TRAK1: variants seen among roughly 807,000 people sequenced by gnomAD.
TRAK1 encodes trafficking kinesin-binding protein 1.
TRAK1 carries 33 observed loss-of-function variants against 92.1 expected under a neutral mutation model. The ratio of observed to expected loss-of-function variants is 0.36; its 90% CI spans 0.27 to 0.48. TRAK1 has a LOEUF of 0.48. Among genes scored for constraint, TRAK1 ranks in the 20% least tolerant of loss-of-function variants. The probability of loss-of-function intolerance (pLI) is 0.99; values close to 1 mark genes in which losing one functional copy is unlikely to be tolerated. For synonymous variants in TRAK1, 521 were observed against 517.3 expected (o/e 1.01, Z -0.10); for missense variants, 1,123 against 1,257.9 (o/e 0.89, Z 1.62).
rs376172950 is a variant in TRAK1 at position 42,202,763 on chromosome 3, G to T, written c.1744+11G>T. 6.4e-5 allele frequency: 104 copies of T among 1,613,066 alleles called. No homozygotes were observed. The highest frequency in any genetic ancestry group is 1.5e-4 in the Admixed American group (9 of 60,004). Reference sequence around the variant, plus strand: ...TGAAGCCGCTGGAAGGTGATCACGCGGGGCCTCGGCCCCTCTCTGTCCTCC... The same window carrying T: ...TGAAGCCGCTGGAAGGTGATCACGCTGGGCCTCGGCCCCTCTCTGTCCTCC... On this transcript the variant is annotated intron_variant, in intron 13 of 15. Transcript: ENST00000327628. The surrounding 1 kb of genome is among the most constrained non-coding windows in gnomAD (Gnocchi z 6.1).
intron 1 of TRAK1, among the ~76,000 whole-genome samples, chr3:42,105,985 C>T (rs1025186036): frequency 6.6e-6 from 1 of 152,118 alleles, no homozygotes; most frequent in African/African-American, 2.4e-5. Flanking sequence ...ATTTTGTCAC[C>T]ACCAGGCCTG....
chr3:42,019,520 G>A (rs1487722930), intron 1 of TRAK1, among the ~76,000 whole-genome samples: 2 of 152,036 alleles, frequency 1.3e-5, no homozygotes, highest in Non-Finnish European at 2.9e-5. Flanking sequence ...CTTCTGCCTT[G>A]GCCTCCCGAA....
intron 2 of TRAK1, among the ~76,000 whole-genome samples, chr3:42,154,512 C>G (rs1288752935): frequency 6.7e-6 from 1 of 148,756 alleles, no homozygotes; most frequent in African/African-American, 2.5e-5. Context: ...AGGTCTTCTT[C>G]TTGTCACCCA....
chr3:42,217,697 T>C (rs2149535883), intron 14 of TRAK1: 4 of 985,442 alleles, frequency 4.1e-6, no homozygotes, highest in African/African-American at 3.5e-5. Context: ...TGTTGTCTTA[T>C]TTCTATTTAC....
At chr3:42,191,342 T>G (rs1705701340) in intron 6 of TRAK1, among the ~76,000 whole-genome samples, 1 of 152,184 alleles carries the variant, frequency 6.6e-6, no homozygotes, top group African/African-American at 2.4e-5. Context: ...TCTAGTGGTA[T>G]GCGTTTTTCA....
chr3:42,204,045 AT>A, intron 13 of TRAK1: 1 of 984,942 alleles, frequency 1.0e-6, no homozygotes, highest in African/African-American at 1.7e-5. Flanking sequence ...TTATTTTAAA[AT>A]TGTATAATTG....
chr3:42,098,834 C>T (rs1489060591), intron 1 of TRAK1, among the ~76,000 whole-genome samples: 2 of 152,056 alleles, frequency 1.3e-5, no homozygotes, highest in Admixed American at 6.6e-5. Flanking sequence ...GTGGTTTCAT[C>T]CAGAATTGGG....
chr3:42,056,203 A>G (rs1703198033), intron 1 of TRAK1, among the ~76,000 whole-genome samples: 1 of 152,112 alleles, frequency 6.6e-6, no homozygotes, highest in African/African-American at 2.4e-5. Context: ...GATACCTATG[A>G]GAGGAATTGC....
intron 1 of TRAK1, among the ~76,000 whole-genome samples, chr3:42,043,505 C>T (rs116626028): frequency 0.024 from 3,691 of 152,148 alleles, 93 homozygotes; most frequent in Non-Finnish European, 0.031. Flanking sequence ...TCCACCCCTA[C>T]CCCCAGCCCT....
chr3:42,084,947 T>A, upstream of TRAK1, among the ~76,000 whole-genome samples: 1 of 152,192 alleles, frequency 6.6e-6, no homozygotes, highest in Non-Finnish European at 1.5e-5. Flanking sequence ...TTTTCATATT[T>A]ATTTTTTCAT....
At chr3:42,143,146 T>C (rs985512908) in intron 2 of TRAK1, among the ~76,000 whole-genome samples, 3 of 151,976 alleles carry the variant, frequency 2.0e-5, no homozygotes, top group African/African-American at 7.3e-5. Context: ...AAAGAGTTGT[T>C]TTGTTTGTTT....
chr3:42,175,491 C>T (rs963346810), intron 2 of TRAK1, among the ~76,000 whole-genome samples: 2 of 152,160 alleles, frequency 1.3e-5, no homozygotes, highest in Non-Finnish European at 1.5e-5. Flanking sequence ...TTTCCCCCCA[C>T]GCTTGGACAG....
At chr3:42,019,129 G>T (rs1312273590) in intron 1 of TRAK1, among the ~76,000 whole-genome samples, 1 of 149,526 alleles carries the variant, frequency 6.7e-6, no homozygotes, top group African/African-American at 2.5e-5. Flanking sequence ...AAAAGAAAAA[G>T]AAAAAAAAAG....
intron 2 of TRAK1, among the ~76,000 whole-genome samples, chr3:42,165,131 T>G (rs1701702205): frequency 6.6e-6 from 1 of 152,142 alleles, no homozygotes; most frequent in African/African-American, 2.4e-5. Flanking sequence ...ATGATTTGGA[T>G]AGAGATGCAC....
intron 15 of TRAK1, 133 bp from the exon 16 acceptor site, chr3:42,222,809 G>A: frequency 2.3e-6 from 2 of 866,738 alleles, no homozygotes; most frequent in Non-Finnish European, 3.6e-6. Flanking sequence ...AGAGCCTTTG[G>A]GGGCCTCAGC....
chr3:42,196,234 A>G (rs895634754), intron 10 of TRAK1, among the ~76,000 whole-genome samples: 2 of 152,216 alleles, frequency 1.3e-5, no homozygotes, highest in African/African-American at 4.8e-5. Flanking sequence ...AAGCAGTCTA[A>G]AGATTGCATC....
chr3:42,140,310 G>A (rs1698485830), intron 2 of TRAK1, among the ~76,000 whole-genome samples: 1 of 152,154 alleles, frequency 6.6e-6, no homozygotes, highest in African/African-American at 2.4e-5. Flanking sequence ...TGGGTGCTCA[G>A]TGACTGGCAG....
chr3:42,016,810 G>A (rs1049865081), intron 1 of TRAK1, among the ~76,000 whole-genome samples: 15 of 152,240 alleles, frequency 9.9e-5, no homozygotes, highest in African/African-American at 2.9e-4. Context: ...ATTGGAGGGC[G>A]AACAGTCATT....
At chr3:42,210,303 T>G in intron 14 of TRAK1, 1 of 1,511,188 alleles carries the variant, frequency 6.6e-7, no homozygotes, top group Non-Finnish European at 8.8e-7. Flanking sequence ...AAATACAGAG[T>G]CTGATGCCTC....
Sources: allele counts gnomAD v4.1 joint callset (sites outside exome capture counted in the v4.1 genomes callset), GRCh38; gene constraint gnomAD v4.1.1; non-coding constraint Gnocchi (gnomAD v3.1); transcripts MANE v1.5; gene names NCBI Gene and HGNC (gene_info 2026-07-23, HGNC 2026-07-21).